Variants in ARK2C observed in about 807,000 individuals in gnomAD.
ARK2C encodes E3 ubiquitin-protein ligase ARK2C.
chr18:46,454,412 T>C, the ARK2C span, among the ~76,000 whole-genome samples: 2 of 152,156 alleles, frequency 1.3e-5, no homozygotes, highest in Non-Finnish European at 2.9e-5. Context: ...ATTCATACTC[T>C]AAAGCCATGA....
the ARK2C span, among the ~76,000 whole-genome samples, chr18:46,439,431 A>G: frequency 1.3e-5 from 2 of 152,122 alleles, no homozygotes; most frequent in Non-Finnish European, 2.9e-5. Context: ...CTCCTGTAGG[A>G]TCTGAGGTTG....
the ARK2C span, among the ~76,000 whole-genome samples, chr18:46,383,719 T>A: frequency 6.6e-6 from 1 of 151,328 alleles, no homozygotes; most frequent in Non-Finnish European, 1.5e-5. Flanking sequence ...CGCGCCCGGC[T>A]AATTTTTTGT....
At chr18:46,341,319 A>AGGGG in the ARK2C span, among the ~76,000 whole-genome samples, 10 of 126,346 alleles carry the variant, frequency 7.9e-5, no homozygotes, top group African/African-American at 9.1e-5. Flanking sequence ...GAGGTCAGGG[A>AGGGG]GGGGGGTGGG....
At chr18:46,372,759 T>C in the ARK2C span, among the ~76,000 whole-genome samples, 1 of 152,238 alleles carries the variant, frequency 6.6e-6, no homozygotes, top group Non-Finnish European at 1.5e-5. Context: ...GTTTTATCCA[T>C]ACTTGTTAAA....
At chr18:46,441,701 T>A in the ARK2C span, among the ~76,000 whole-genome samples, 22 of 136,862 alleles carry the variant, frequency 1.6e-4, no homozygotes, top group South Asian at 4.7e-4. Context: ...ATCCTGGCTA[T>A]CATGGTGAAA....
At chr18:46,370,375 A>G in the ARK2C span, among the ~76,000 whole-genome samples, 214 of 152,316 alleles carry the variant, frequency 1.4e-3, no homozygotes, top group Non-Finnish European at 2.5e-3. Flanking sequence ...AAGCAGGGAA[A>G]TCAGTGTGCA....
At chr18:46,338,379 T>C in the ARK2C span, among the ~76,000 whole-genome samples, 1 of 152,212 alleles carries the variant, frequency 6.6e-6, no homozygotes, top group Admixed American at 6.5e-5. Flanking sequence ...CCTGTTACTG[T>C]AGGAATAAGA....
the ARK2C span, among the ~76,000 whole-genome samples, chr18:46,451,330 C>T: frequency 6.6e-6 from 1 of 151,878 alleles, no homozygotes; most frequent in Non-Finnish European, 1.5e-5. Context: ...ATCTCCAGGG[C>T]TAAGAACTAG....
At chr18:46,428,102 T>C in the ARK2C span, among the ~76,000 whole-genome samples, 9 of 152,034 alleles carry the variant, frequency 5.9e-5, no homozygotes, top group Admixed American at 2.6e-4. Context: ...ACAAGGAGAA[T>C]GTAGCTTTAA....
chr18:46,454,110 C>CAAA, the ARK2C span, among the ~76,000 whole-genome samples: 33 of 16,616 alleles, frequency 2.0e-3, 2 homozygotes, highest in African/African-American at 4.4e-3. Flanking sequence ...AAGGCCGTCT[C>CAAA]AAAAAAAAAA....
the ARK2C span, among the ~76,000 whole-genome samples, chr18:46,383,761 G>A: frequency 0.028 from 4,175 of 151,530 alleles, 76 homozygotes; most frequent in Middle Eastern, 0.041. Flanking sequence ...TCACCGTGTT[G>A]GCCAGGATGG....
the ARK2C span, among the ~76,000 whole-genome samples, chr18:46,354,288 G>A: frequency 6.6e-6 from 1 of 152,198 alleles, no homozygotes; most frequent in South Asian, 2.1e-4. Flanking sequence ...TTGGGGGTCT[G>A]GGCTCAGCTC....
chr18:46,397,010 C>T, the ARK2C span, among the ~76,000 whole-genome samples: 1 of 152,236 alleles, frequency 6.6e-6, no homozygotes, highest in African/African-American at 2.4e-5. Flanking sequence ...TACCTCAGTG[C>T]TGGCTGTGCG....
chr18:46,348,442 G>C, the ARK2C span, among the ~76,000 whole-genome samples: 1 of 152,178 alleles, frequency 6.6e-6, no homozygotes, highest in Admixed American at 6.5e-5. Flanking sequence ...TGTGTGTCCT[G>C]AGCTAAGGGC....
the ARK2C span, chr18:46,450,500 G>A: frequency 3.1e-6 from 3 of 958,590 alleles, no homozygotes; most frequent in Non-Finnish European, 5.1e-6. Context: ...GGGTATGGGT[G>A]TCAGGAAGCT....
the ARK2C span, among the ~76,000 whole-genome samples, chr18:46,368,067 T>C: frequency 6.6e-6 from 1 of 152,332 alleles, no homozygotes; most frequent in South Asian, 2.1e-4. Context: ...AATCTTGGGT[T>C]GGGCTTGAGA....
the ARK2C span, among the ~76,000 whole-genome samples, chr18:46,398,403 C>G: frequency 6.6e-6 from 1 of 151,872 alleles, no homozygotes; most frequent in Non-Finnish European, 1.5e-5. Flanking sequence ...GTGCCCCGAG[C>G]CTTCATCAGG....
the ARK2C span, among the ~76,000 whole-genome samples, chr18:46,369,475 A>C: frequency 6.6e-6 from 1 of 152,090 alleles, no homozygotes; most frequent in South Asian, 2.1e-4. Context: ...GGGAATGTTG[A>C]AGTCCTGGTT....
chr18:46,455,095 G>A, the ARK2C span, among the ~76,000 whole-genome samples: 3 of 152,220 alleles, frequency 2.0e-5, no homozygotes, highest in African/African-American at 7.2e-5. Context: ...AGTATAAACA[G>A]TGTTTCATGA....
Sources: gnomAD v4.1 joint callset for allele counts (sites outside exome capture counted in the v4.1 genomes callset) on GRCh38, gnomAD v4.1.1 for gene constraint, MANE v1.5 for transcripts, NCBI Gene and HGNC (gene_info 2026-07-23, HGNC 2026-07-21) for gene names.